TCF3: variants seen among roughly 807,000 people sequenced by gnomAD.
TCF3 encodes transcription factor 3.
In TCF3, 54 loss-of-function variants were observed where a neutral mutation model predicts 72.3. The ratio of observed to expected loss-of-function variants is 0.75; its 90% confidence interval spans 0.60 to 0.94. The LOEUF (loss-of-function observed/expected upper bound fraction) is 0.94. TCF3 is among the 40% of genes least tolerant of loss of function. The pLI, the probability that TCF3 is intolerant of heterozygous loss-of-function variation, is 0.00. For synonymous variants in TCF3, 525 were observed against 412.6 expected (o/e 1.27, Z -3.30); for missense variants, 1,078 against 934.4 (o/e 1.15, Z -2.00).
intron 3 of TCF3, among the ~76,000 whole-genome samples, chr19:1,633,815 TG>T (rs1231074895): frequency 6.6e-6 from 1 of 152,174 alleles, no homozygotes; most frequent in African/African-American, 2.4e-5. Flanking sequence ...ACGTGGGCCC[TG>T]GTGAACAGGG....
Position 1,646,440 on chromosome 19 carries a change from G to A in TCF3, c.73-13C>T. The A allele has an allele frequency of 6.5e-7, 1 of 1,549,158 alleles. No individual in the cohort carries two copies. The highest frequency in any genetic ancestry group is 8.7e-7 in the Non-Finnish European group (1 of 1,145,978). On this transcript the variant is annotated splice_polypyrimidine_tract_variant and intron_variant, in intron 2 of 18. Transcript: ENST00000262965. ...GCAGCGGGAACATCTGCAGGGAGGG[G>A]AGGGGAGACGTGAGCGGGGCGGGTG...
intron 3 of TCF3, among the ~76,000 whole-genome samples, chr19:1,641,697 C>T (rs1429718818): frequency 2.0e-5 from 3 of 152,162 alleles, no homozygotes; most frequent in Non-Finnish European, 2.9e-5. Flanking sequence ...ATGTGATCCA[C>T]ACACCCTGGC....
At position 1,619,192 on chromosome 19, in the gene TCF3, T is replaced by G. The variant is rs777255371; in HGVS notation, c.1369A>C (p.Ser457Arg). Reference protein sequence around the residue: ...HPEDGLAGSTSLMHNHAALPS... With the variant: ...HPEDGLAGSTRLMHNHAALPS... ...AGGGCCGCGTGGTTGTGCATGAGGCTGGTGCTGCCTGCGAGGCCGTCCTCG... is the reference window on the plus strand; with the variant it reads ...AGGGCCGCGTGGTTGTGCATGAGGCGGGTGCTGCCTGCGAGGCCGTCCTCG... The change falls in exon 16 of 19, where the codon AGC (serine) becomes CGC (arginine). Residue 457 changes from serine to arginine, a missense_variant. Ser to Arg is a moderately radical substitution (Grantham distance 110). Transcript: ENST00000262965. 1 of 1,600,052 alleles carries G rather than the reference T, an allele frequency of 6.2e-7. No homozygotes were observed. Among genetic ancestry groups the G allele is most frequent in the Non-Finnish European group, 8.5e-7 (1 of 1,179,570 alleles).
chr19:1,626,172 C>T lies in TCF3; in HGVS notation c.367-464G>A, dbSNP rs10410646. 5.1e-3 allele frequency among the ~76,000 whole-genome samples: 772 copies of T among 152,268 alleles called. 4 individuals are homozygous for T. The highest frequency in any genetic ancestry group is 0.017 in the African/African-American group (722 of 41,546). On this transcript the variant is annotated intron_variant, in intron 6 of 18. Coordinates refer to ENST00000262965, the MANE Select transcript of TCF3 (RefSeq NM_003200.5). ...TCCTGCATTTCATCCGTTCTAAGGC[C>T]GGGCACGGTGGCTCACACCTATTAT...
chr19:1,611,740 C>T lies in TCF3; in HGVS notation c.1932G>A (p.Leu644=). 6.2e-7 allele frequency: 1 copy of T among 1,613,678 alleles called. No homozygotes were observed. ...QMVLSAPHPG[L]SEAHNPAGHM Reference sequence around the variant, plus strand: ...GCCCGGCGGGGTTGTGGGCTTCGCTCAGGCCTGGGTGGGGAGCTGAAAGCA... The same window carrying T: ...GCCCGGCGGGGTTGTGGGCTTCGCTTAGGCCTGGGTGGGGAGCTGAAAGCA... The change falls in exon 19 of 19, where the codon CTG becomes CTA. Residue 644 remains leucine, a synonymous_variant. Transcript: ENST00000262965.
rs2061325689 is a variant in TCF3, at chr19:1,614,236, TC to T, written c.1822+1048del. Among the ~76,000 whole-genome samples the T allele has an allele frequency of 6.6e-6, 1 of 152,158 alleles. No individual in the cohort carries two copies. Among genetic ancestry groups the T allele is most frequent in the Non-Finnish European group, 1.5e-5 (1 of 68,004 alleles). ...ACCCTGCCTTAGGGGCCTGAGGGGA[TC>T]CCTCCAGGTGGTGGGGGCGGCCCCT... On this transcript the variant is annotated intron_variant, in intron 18 of 18. Coordinates refer to ENST00000262965, the MANE Select transcript of TCF3 (RefSeq NM_003200.5). The surrounding 1 kb of genome is among the most constrained non-coding windows in gnomAD (Gnocchi z 5.6).
At chr19:1,643,837 T>C (rs1190216717) in intron 3 of TCF3, among the ~76,000 whole-genome samples, 2 of 152,238 alleles carry the variant, frequency 1.3e-5, no homozygotes, top group East Asian at 1.9e-4. Flanking sequence ...TCCTTTCAAA[T>C]GAACTTAAGA....
At chr19:1,639,514 T>C (rs1218672902) in intron 3 of TCF3, among the ~76,000 whole-genome samples, 1 of 151,946 alleles carries the variant, frequency 6.6e-6, no homozygotes, top group Non-Finnish European at 1.5e-5. Context: ...AGATTAAAAA[T>C]CTAAATATGG....
Position 1,622,132 on chromosome 19 carries a change from G to A in TCF3, c.744C>T (p.Pro248=), listed in dbSNP as rs1213585840. The A allele has an allele frequency of 8.8e-6, 14 of 1,592,610 alleles. No individual in the cohort carries two copies. Among genetic ancestry groups the A allele is most frequent in the Admixed American group, 1.7e-5 (1 of 57,348 alleles). Residue 248 remains proline, a synonymous_variant, in exon 10 of 19, where the codon CCC becomes CCT. Coordinates refer to ENST00000262965, the MANE Select transcript of TCF3 (RefSeq NM_003200.5). ...CCACCGGGCCGCTACCGGGCGGGAG[G>A]GGCAGCGGGGATGAGCCCCCACCCA... is the stretch of plus-strand genomic sequence containing the variant. ...PMLGGGSSPL[P]LPPGSGPVGS... is the part of the protein sequence containing the mutation.
At chr19:1,630,171 C>T (rs1477512652) in intron 5 of TCF3, among the ~76,000 whole-genome samples, 1 of 152,164 alleles carries the variant, frequency 6.6e-6, no homozygotes, top group East Asian at 1.9e-4. Context: ...ACCCTGGGGC[C>T]ATCGGGGGTA....
At chr19:1,647,399 C>T (rs2145669809) in intron 2 of TCF3, among the ~76,000 whole-genome samples, 1 of 152,356 alleles carries the variant, frequency 6.6e-6, no homozygotes, top group Admixed American at 6.5e-5. Flanking sequence ...CAACACCTTC[C>T]CCAGCCAGCC....
rs2061491197 is a variant in TCF3, at chr19:1,615,758, T to C, written c.1514A>G (p.Glu505Gly). 2.5e-6 allele frequency: 4 copies of C among 1,605,736 alleles called. No individual in the cohort carries two copies. Among genetic ancestry groups the C allele is most frequent in the African/African-American group, 1.3e-5 (1 of 74,758 alleles). Residue 505 changes from glutamate (E) to glycine (G), a missense_variant, in exon 17 of 19, where the codon GAG becomes GGG. Glu to Gly is a moderately conservative substitution (Grantham distance 98, BLOSUM62 -2). Transcript: ENST00000262965. This position sits in a 1 kb window ranked among gnomAD's most constrained non-coding sequence, Gnocchi z 7.3. ...GTGGTCAGCCGCTGACGTGTTCTCC[T>C]CGTCCTCCTTCTCCTCCCGCTTGAT... The part of the protein sequence containing the change: ...SEIKREEKED[E>G]ENTSAADHSE...
At chr19:1,638,316 T>C (rs1169015758) in intron 3 of TCF3, among the ~76,000 whole-genome samples, 1 of 152,236 alleles carries the variant, frequency 6.6e-6, no homozygotes, top group Non-Finnish European at 1.5e-5. Flanking sequence ...ATACAAATGT[T>C]TCCTAGTAAG....
intron 2 of TCF3, among the ~76,000 whole-genome samples, chr19:1,647,783 T>C (rs1377538022): frequency 1.3e-5 from 2 of 152,254 alleles, no homozygotes; most frequent in South Asian, 2.1e-4. Context: ...GGTACCGGGC[T>C]GTGTCCTGTG....
At chr19:1,630,305 G>A (rs1056464218) in intron 5 of TCF3, among the ~76,000 whole-genome samples, 10 of 152,188 alleles carry the variant, frequency 6.6e-5, no homozygotes, top group African/African-American at 1.9e-4. Context: ...GGCAGAAATC[G>A]CCCGTGGCAC....
At position 1,609,778 on chromosome 19, in the gene TCF3, C is replaced by A. The variant is rs1017628936; in HGVS notation, c.*1929G>T. 2 of 230,952 alleles carry A rather than the reference C, an allele frequency of 8.7e-6. No homozygotes were observed. The highest frequency in any genetic ancestry group is 1.7e-5 in the Non-Finnish European group (2 of 116,734). 14.3% of individuals were successfully genotyped at this position (230,952 alleles called of 1,614,324 possible). On this transcript the variant is annotated 3_prime_UTR_variant, in exon 19 of 19. Coordinates refer to ENST00000262965, the MANE Select transcript of TCF3 (RefSeq NM_003200.5). ...TGAGCTGGCCTTGAGGTTTCCCTTG[C>A]ATCTACCATGGGGCCCAGGCTCCCA...
rs2060889773 is a variant in TCF3, at chr19:1,610,257, GCA to G, written c.*1448_*1449del. Reference sequence around the variant, plus strand: ...CAAGGCCTTCGTGGGGCTCAGACCAGCACAGTCCCCCGGCTCCAGCCACTCTT... The same window carrying G: ...CAAGGCCTTCGTGGGGCTCAGACCAGCAGTCCCCCGGCTCCAGCCACTCTT... On this transcript the variant is annotated 3_prime_UTR_variant, in exon 19 of 19. Coordinates refer to ENST00000262965, the MANE Select transcript of TCF3 (RefSeq NM_003200.5). The G allele has an allele frequency of 4.3e-6, 1 of 231,870 alleles. No individual in the cohort carries two copies. Among genetic ancestry groups the G allele is most frequent in the African/African-American group, 2.2e-5 (1 of 45,238 alleles). The allele number at this position is 231,870 out of a possible 1,614,324, so 14.4% of individuals were successfully genotyped here.
intron 16 of TCF3, among the ~76,000 whole-genome samples, chr19:1,618,325 TCTGC>T (rs535200444): frequency 4.1e-4 from 62 of 152,220 alleles, no homozygotes; most frequent in African/African-American, 1.3e-3. Flanking sequence ...CCCTGTGGCC[TCTGC>T]CTTGGTCTCC....
intron 7 of TCF3, among the ~76,000 whole-genome samples, 178 bp from the exon 8 acceptor site, chr19:1,624,178 A>G (rs1005012199): frequency 6.6e-6 from 1 of 152,176 alleles, no homozygotes; most frequent in Non-Finnish European, 1.5e-5. Flanking sequence ...CAGGCAGATC[A>G]CGAGGTCAAG....
Sources: allele counts gnomAD v4.1 joint callset (sites outside exome capture counted in the v4.1 genomes callset), GRCh38; gene constraint gnomAD v4.1.1; non-coding constraint Gnocchi (gnomAD v3.1); transcripts MANE v1.5; gene names NCBI Gene and HGNC (gene_info 2026-07-23, HGNC 2026-07-21).